The following TBC1D10A variants were observed in gnomAD, a reference collection of about 807,000 sequenced individuals.
TBC1D10A encodes EBP50-PDX interactor of 64 kDa.
A neutral mutation model predicts 52.9 loss-of-function variants in TBC1D10A; 24 were observed. That is an observed-to-expected ratio of 0.45 (90% confidence interval 0.33 to 0.64). TBC1D10A has a LOEUF of 0.64. Ranked by LOEUF, TBC1D10A falls within the 30% of genes least tolerant of loss-of-function variation. The pLI is 0.02. For missense variants in TBC1D10A, 602 were observed against 687.9 expected (o/e 0.88, Z 1.40); for synonymous variants, 278 against 282.9 (o/e 0.98, Z 0.17).
intron 3 of TBC1D10A, chr22:30,299,025 C>A (rs1930144803): frequency 6.0e-6 from 1 of 166,102 alleles, no homozygotes; most frequent in Admixed American, 6.3e-5. Context: ...CACTGAAGGA[C>A]CTGTGGTCCT....
intron 8 of TBC1D10A, chr22:30,293,117 A>C (rs1287942251): frequency 1.6e-6 from 1 of 622,968 alleles, no homozygotes; most frequent in Middle Eastern, 4.2e-4. Context: ...ATGGGGCTAA[A>C]GGGGTAAGAC....
chr22:30,309,992 A>G (rs540595394), intron 1 of TBC1D10A, among the ~76,000 whole-genome samples: 1 of 152,358 alleles, frequency 6.6e-6, no homozygotes, highest in African/African-American at 2.4e-5. Context: ...TCCCTGAACC[A>G]GCCCAAACAA....
chr22:30,295,865 A>T (rs1281038870), intron 3 of TBC1D10A, 22 bp from the exon 4 acceptor site: 4 of 1,604,042 alleles, frequency 2.5e-6, no homozygotes, highest in Non-Finnish European at 3.4e-6. Context: ...GGCACAAATT[A>T]GGGGCTGGGG....
In TBC1D10A at chr22:30,326,197, GGTGTGGGGGCA is replaced by G. The variant is rs1205805997; in HGVS notation, c.209+465_209+475del. Among the ~76,000 whole-genome samples the G allele has an allele frequency of 6.0e-5, 9 of 151,200 alleles. No homozygotes were observed. The East Asian group carries it at 1.6e-3, about 26-fold the overall frequency. ...TCCTGAAGTCGGTCTGAGGTCTCCT[GGTGTGGGGGCA>G]GTGAGGCGGGGAGACAAGGGCGTCT... On this transcript the variant is annotated intron_variant, in intron 1 of 8. Coordinates refer to ENST00000215790, the MANE Select transcript of TBC1D10A (RefSeq NM_031937.3).
At chr22:30,315,267 G>T (rs1930511751) in intron 1 of TBC1D10A, among the ~76,000 whole-genome samples, 1 of 152,140 alleles carries the variant, frequency 6.6e-6, no homozygotes, top group African/African-American at 2.4e-5. Context: ...AAATGTCTGA[G>T]GTAAAATCTC....
intron 3 of TBC1D10A, chr22:30,296,077 G>A (rs1459033834): frequency 5.6e-6 from 3 of 540,490 alleles, no homozygotes; most frequent in East Asian, 6.4e-5. Flanking sequence ...CCTGGCTCTA[G>A]GAAGACCGAT....
chr22:30,303,084 C>T (rs1250408585), intron 2 of TBC1D10A, among the ~76,000 whole-genome samples: 2 of 152,202 alleles, frequency 1.3e-5, no homozygotes, highest in Admixed American at 6.5e-5. Flanking sequence ...AGTTCCAGAC[C>T]GGCCTGGGCA....
intron 1 of TBC1D10A, among the ~76,000 whole-genome samples, chr22:30,312,251 A>G (rs1930440943): frequency 6.6e-6 from 1 of 152,168 alleles, no homozygotes; most frequent in Admixed American, 6.5e-5. Context: ...AAACTGCTAG[A>G]TCTCATTGAT....
At chr22:30,313,244 C>T (rs1037523620) in intron 1 of TBC1D10A, among the ~76,000 whole-genome samples, 1 of 152,082 alleles carries the variant, frequency 6.6e-6, no homozygotes, top group African/African-American at 2.4e-5. Flanking sequence ...GCAGAGGCAG[C>T]ATTTCATGAG....
At position 30,326,688 on chromosome 22, in the gene TBC1D10A, TGCGA is replaced by T; in HGVS notation, c.190_193del (p.Ser64ArgfsTer15). 1 of 1,550,718 alleles carries T rather than the reference TGCGA, an allele frequency of 6.4e-7. No individual in the cohort carries two copies. The highest frequency in any genetic ancestry group is 8.7e-7 in the Non-Finnish European group (1 of 1,148,016). ...CGCTACTCACGCGCCCTCGGCGCCC[TGCGA>T]GCCCACGATGAAGCCGAACTTGTCG... is the stretch of plus-strand genomic sequence containing the variant. On this transcript the variant is annotated frameshift_variant, in exon 1 of 9. Coordinates refer to ENST00000215790, the MANE Select transcript of TBC1D10A (RefSeq NM_031937.3). LOFTEE classifies it high-confidence loss of function.
Position 30,316,467 on chromosome 22 carries a change from T to G in TBC1D10A, c.209+10206A>C, listed in dbSNP as rs150374352. Among the ~76,000 whole-genome samples, 602 of 151,234 alleles carry G rather than the reference T, an allele frequency of 4.0e-3. 7 individuals carry two copies. The East Asian group carries it at 0.04, about 10-fold the overall frequency. ...AAGCACTGTTTTTGTTTTTGTTTTT[T>G]TTTTTTTGAGATAGGGTCTCCATTG... On this transcript the variant is annotated intron_variant, in intron 1 of 8. Coordinates refer to ENST00000215790, the MANE Select transcript of TBC1D10A (RefSeq NM_031937.3).
At chr22:30,299,576 C>A (rs1335818763) in intron 2 of TBC1D10A, 25 bp from the exon 3 acceptor site, 1 of 1,610,210 alleles carries the variant, frequency 6.2e-7, no homozygotes. Context: ...GACAGCTGAG[C>A]CCATGCAGCC....
At position 30,292,256 on chromosome 22, in the gene TBC1D10A, C is replaced by A. The variant is rs912749180; in HGVS notation, c.*119G>T. The A allele has an allele frequency of 3.4e-6, 3 of 887,830 alleles. No individual in the cohort carries two copies. The African/African-American group carries it at 5.1e-5, about 15-fold the overall frequency. The allele number at this position is 887,830 out of a possible 1,614,324, so 55.0% of individuals were successfully genotyped here. On this transcript the variant is annotated 3_prime_UTR_variant, in exon 9 of 9. Transcript: ENST00000215790. ...GAATCTGTGTTGGACCAGCCAGACT[C>A]CAGCCCAGCCCAGTGGCCAGGCAGC...
Position 30,318,786 on chromosome 22 carries a change from C to T in TBC1D10A, c.209+7887G>A, listed in dbSNP as rs554059539. On this transcript the variant is annotated intron_variant, in intron 1 of 8. Transcript: ENST00000215790. ...TTTAGGCCATCCTTGATTCTCCCAA[C>T]AGGTCTCACTGCCTGCAATCCAGCT... is the stretch of plus-strand genomic sequence containing the variant. 1.3e-5 allele frequency: 6 copies of T among 457,896 alleles called. No homozygotes were observed. The East Asian group carries it at 4.2e-4, about 32-fold the overall frequency. The allele number at this position is 457,896 out of a possible 1,614,324, so 28.4% of individuals were successfully genotyped here. A position where few individuals can be genotyped will look rare whatever the true frequency, so the allele number is the denominator to read the frequency against.
intron 4 of TBC1D10A, 115 bp downstream of exon 4, chr22:30,295,622 A>G (rs774302181): frequency 4.1e-6 from 4 of 965,282 alleles, no homozygotes; most frequent in Non-Finnish European, 6.4e-6. Flanking sequence ...GGAAATGCTA[A>G]GAGTGGAGTT....
chr22:30,295,029 T>C lies in TBC1D10A; in HGVS notation c.551A>G (p.Lys184Arg), dbSNP rs1313346407. ...CTCGGGCCGGTACAGCGTGTAGGCC[T>C]TCAGCACACGGAATAGGTCCTGCTG... ...HGQQDLFRVL[K>R]AYTLYRPEEG... The change falls in exon 5 of 9, where the codon AAG becomes AGG. Residue 184 changes from lysine to arginine, a missense_variant. Lys to Arg is a conservative substitution (Grantham distance 26). Around this residue, in one of 3 missense-constraint regions of TBC1D10A, gnomAD observed 136 missense variants for 208.4 expected, o/e 0.65. Transcript: ENST00000215790. 1 of 1,614,000 alleles carries C rather than the reference T, an allele frequency of 6.2e-7. No homozygotes were observed. The highest frequency in any genetic ancestry group is 1.7e-5 in the Admixed American group (1 of 60,032).
intron 1 of TBC1D10A, 85 bp from the exon 2 acceptor site, chr22:30,304,715 C>T: frequency 1.9e-6 from 3 of 1,543,180 alleles, no homozygotes; most frequent in Non-Finnish European, 2.6e-6. Context: ...CCTGGTCAGA[C>T]CTCCATTCTT....
chr22:30,320,212 CT>C (rs756656260), intron 1 of TBC1D10A, among the ~76,000 whole-genome samples: 1 of 152,232 alleles, frequency 6.6e-6, no homozygotes, highest in Non-Finnish European at 1.5e-5. Context: ...AATCCGGACT[CT>C]GGCCTATGGG....
intron 2 of TBC1D10A, among the ~76,000 whole-genome samples, chr22:30,300,233 A>G (rs952854000): frequency 1.3e-5 from 2 of 151,910 alleles, no homozygotes; most frequent in African/African-American, 4.8e-5. Context: ...AGATCACTTA[A>G]GGTCAGGAGT....
Sources: allele counts gnomAD v4.1 joint callset (sites outside exome capture counted in the v4.1 genomes callset), GRCh38; gene constraint gnomAD v4.1.1; regional missense constraint gnomAD v4.1.1; transcripts MANE v1.5; gene names NCBI Gene and HGNC (gene_info 2026-07-23, HGNC 2026-07-21).